Variants in TFR2 observed in about 807,000 individuals in gnomAD.
The protein encoded by TFR2 is transferrin receptor 2.
In TFR2, 64 loss-of-function variants were observed where a neutral mutation model predicts 91.9. The observed-to-expected ratio is 0.70, with a 90% CI of 0.57 to 0.86. The LOEUF is 0.86. Among genes scored for constraint, TFR2 ranks in the 40% least tolerant of loss-of-function variants. TFR2 has a pLI of 0.00. For synonymous variants in TFR2, 454 were observed against 459.6 expected (o/e 0.99, Z 0.15); for missense variants, 950 against 1,080.5 (o/e 0.88, Z 1.69).
intron 16 of TFR2, among the ~76,000 whole-genome samples, 164 bp from the exon 17 acceptor site, chr7:100,627,067 T>G (rs1584455794): frequency 6.7e-6 from 1 of 149,098 alleles, no homozygotes. Context: ...ATGAAGGGAG[T>G]GGGGAGAAGA....
Position 100,633,472 on chromosome 7 carries a change from C to G in TFR2, c.558G>C (p.Gln186His). Reference sequence around the variant, plus strand: ...TGTCGGTCCACACGTGGTCCAGCTTCTGGCGGGAGAGCGCCGCGCGAATGT... The same window carrying G: ...TGTCGGTCCACACGTGGTCCAGCTTGTGGCGGGAGAGCGCCGCGCGAATGT... Reference protein sequence around the residue: ...TQDIRAALSRQKLDHVWTDTH... With the variant: ...TQDIRAALSRHKLDHVWTDTH... The change falls in exon 4 of 18, where the codon CAG (glutamine) becomes CAC (histidine). Residue 186 changes from glutamine (Q) to histidine (H), a missense_variant. Physicochemically the swap from Gln to His is conservative, Grantham distance 24. Coordinates refer to ENST00000223051, the MANE Select transcript of TFR2 (RefSeq NM_003227.4). 1 of 1,612,776 alleles carries G rather than the reference C, an allele frequency of 6.2e-7. No homozygotes were observed. The highest frequency in any genetic ancestry group is 8.5e-7 in the Non-Finnish European group (1 of 1,179,926).
At chr7:100,624,406 T>A (rs1215202278) in intron 17 of TFR2, among the ~76,000 whole-genome samples, 1 of 152,218 alleles carries the variant, frequency 6.6e-6, no homozygotes, top group Non-Finnish European at 1.5e-5. Flanking sequence ...CAAGTCACAG[T>A]CTAAAGCCAA....
At chr7:100,628,200 G>A (rs780410371) in intron 11 of TFR2, 24 bp downstream of exon 11, 8 of 1,543,734 alleles carry the variant, frequency 5.2e-6, no homozygotes, top group Middle Eastern at 1.7e-4. Context: ...AATGCCTAAC[G>A]ACCTGCCCGG....
At chr7:100,635,529 T>TCCA (rs2131323134) in intron 3 of TFR2, among the ~76,000 whole-genome samples, 1 of 151,946 alleles carries the variant, frequency 6.6e-6, no homozygotes, top group Non-Finnish European at 1.5e-5. Context: ...CACTGCAACC[T>TCCA]CCACCTCCCA....
Position 100,633,357 on chromosome 7 carries a change from G to A in TFR2, c.615-17C>T. ...GGGTGAGCCCTGGGGAGCGGGGCTG[G>A]TGAGCGCCCCGAGCCGCGTCCCCCT... On this transcript the variant is annotated splice_polypyrimidine_tract_variant and intron_variant, in intron 4 of 17. Transcript: ENST00000223051. The A allele has an allele frequency of 1.2e-6, 2 of 1,609,988 alleles. No homozygotes were observed. The highest frequency in any genetic ancestry group is 1.7e-4 in the Middle Eastern group (1 of 5,944).
chr7:100,633,235 G>A lies in TFR2; in HGVS notation c.720C>T (p.Asn240=), dbSNP rs778241073. The A allele has an allele frequency of 6.2e-6, 10 of 1,613,742 alleles. No homozygotes were observed. The highest frequency in any genetic ancestry group is 5.1e-6 in the Non-Finnish European group (6 of 1,179,872). The change falls in exon 5 of 18, where the codon AAC becomes AAT. Residue 240 remains asparagine (N), a synonymous_variant. Coordinates refer to ENST00000223051, the MANE Select transcript of TFR2 (RefSeq NM_003227.4). ...GCGGGCAGGGGGTGCTCACCGTGACGTTGCCGATGGCGCTGTAGGGGCAGT... is the reference window on the plus strand; with the variant it reads ...GCGGGCAGGGGGTGCTCACCGTGACATTGCCGATGGCGCTGTAGGGGCAGT... ...DVYCPYSAIG[N]VTGELVYAHY... is the part of the protein sequence containing the mutation.
At chr7:100,629,112 G>C (rs1803354768) in intron 10 of TFR2, 141 bp downstream of exon 10, 3 of 1,130,512 alleles carry the variant, frequency 2.7e-6, no homozygotes, top group Non-Finnish European at 4.0e-6. Flanking sequence ...CTGGCCCAGG[G>C]CCACTCAGGT....
rs36052130 is a variant in TFR2 at position 100,623,887 on chromosome 7, CA to C, written c.2137-2762del. Among the ~76,000 whole-genome samples the C allele has an allele frequency of 9.8e-3, 945 of 96,432 alleles. 21 individuals carry two copies. Among genetic ancestry groups the C allele is most frequent in the African/African-American group, 0.037 (837 of 22,746 alleles). The allele number at this position is 96,432 out of a possible 152,430, so 63.3% of individuals were successfully genotyped here. A position where few individuals can be genotyped will look rare whatever the true frequency, so the allele number is the denominator to read the frequency against. ...CAACATGATGAAACCCCTTCTCTAC[CA>C]AAAAAAAAAAAAAAAAAAAAAATTA... On this transcript the variant is annotated intron_variant, in intron 17 of 17. Transcript: ENST00000223051.
intron 8 of TFR2, 49 bp downstream of exon 8, chr7:100,631,757 C>G: frequency 2.5e-6 from 4 of 1,591,094 alleles, no homozygotes; most frequent in Non-Finnish European, 3.4e-6. Flanking sequence ...CTCGCTGCAG[C>G]CTTCCTCTCT....
At chr7:100,627,054 A>G (rs1225071076) in intron 16 of TFR2, 151 bp from the exon 17 acceptor site, 7 of 1,359,080 alleles carry the variant, frequency 5.2e-6, no homozygotes, top group Non-Finnish European at 6.9e-6. Context: ...TGCTGGAGGC[A>G]GGATGAAGGG....
Position 100,633,571 on chromosome 7 carries a change from G to T in TFR2, c.474-15C>A, listed in dbSNP as rs1280612782. ...GGCTGGTTTGCCTAAGCGGGGAGAG[G>T]TGGGGACTTTTCTGGGCGCCCGGAG... is the stretch of plus-strand genomic sequence containing the variant. On this transcript the variant is annotated splice_polypyrimidine_tract_variant and intron_variant, in intron 3 of 17. Transcript: ENST00000223051. 1.3e-6 allele frequency: 2 copies of T among 1,594,104 alleles called. No homozygotes were observed. The highest frequency in any genetic ancestry group is 1.7e-6 in the Non-Finnish European group (2 of 1,175,208).
chr7:100,620,810 A>G lies in TFR2; in HGVS notation c.*47T>C. ...ACCCTGAATCATTCAAGCGAGGAGC[A>G]GAGGAGCTCTTGACTGGGGGACGGG... On this transcript the variant is annotated 3_prime_UTR_variant, in exon 18 of 18. Coordinates refer to ENST00000223051, the MANE Select transcript of TFR2 (RefSeq NM_003227.4). 1 of 1,612,410 alleles carries G rather than the reference A, an allele frequency of 6.2e-7. No homozygotes were observed. Among genetic ancestry groups the G allele is most frequent in the Non-Finnish European group, 8.5e-7 (1 of 1,178,890 alleles).
At chr7:100,628,872 T>C (rs1007271287) in intron 10 of TFR2, among the ~76,000 whole-genome samples, 4 of 152,100 alleles carry the variant, frequency 2.6e-5, no homozygotes, top group African/African-American at 7.2e-5. Flanking sequence ...GTTCAAGCGA[T>C]TCTCCTGCCT....
At chr7:100,629,192 C>A in intron 10 of TFR2, 61 bp downstream of exon 10, 1 of 1,605,422 alleles carries the variant, frequency 6.2e-7, no homozygotes. Flanking sequence ...CTGCCCTATC[C>A]TCCTCGGGCC....
chr7:100,623,604 C>T (rs118102766), intron 17 of TFR2, among the ~76,000 whole-genome samples: 3 of 151,910 alleles, frequency 2.0e-5, no homozygotes, highest in Non-Finnish European at 2.9e-5. Flanking sequence ...GTATGGAAAC[C>T]CTCATCTCTA....
intron 9 of TFR2, among the ~76,000 whole-genome samples, chr7:100,630,586 G>A (rs1361770558): frequency 1.3e-5 from 2 of 152,146 alleles, no homozygotes; most frequent in East Asian, 1.9e-4. Context: ...CACCACACCC[G>A]GCCCATGCTT....
intron 17 of TFR2, among the ~76,000 whole-genome samples, chr7:100,625,059 CTTTTTTTT>C (rs34968337): frequency 4.7e-5 from 5 of 105,278 alleles, no homozygotes; most frequent in South Asian, 6.1e-4. Flanking sequence ...TTTTCTTTTT[CTTTTTTTT>C]TTTTTTTTTG....
rs775080669 is a variant in TFR2 at position 100,629,234 on chromosome 7, G to A, written c.1390+19C>T. On this transcript the variant is annotated intron_variant, in intron 10 of 17. Coordinates refer to ENST00000223051, the MANE Select transcript of TFR2 (RefSeq NM_003227.4). ...CCACCGCTGCCTAGCCCAGGCCCAGGCCCTGGCCCTGACCTTACCGTTGCT... is the reference window on the plus strand; with the variant it reads ...CCACCGCTGCCTAGCCCAGGCCCAGACCCTGGCCCTGACCTTACCGTTGCT... The A allele has an allele frequency of 6.2e-6, 10 of 1,613,112 alleles. No individual in the cohort carries two copies. Among genetic ancestry groups the A allele is most frequent in the African/African-American group, 1.3e-5 (1 of 74,898 alleles).
At position 100,620,852 on chromosome 7, in the gene TFR2, G is replaced by C; in HGVS notation, c.*5C>G. ...GGGGACGGGGATGTGAGGATCCCCA[G>C]GGCCTCAGAAGTTGTTATCAATGTT... On this transcript the variant is annotated 3_prime_UTR_variant, in exon 18 of 18. Coordinates refer to ENST00000223051, the MANE Select transcript of TFR2 (RefSeq NM_003227.4). The C allele has an allele frequency of 6.2e-7, 1 of 1,613,998 alleles. No individual in the cohort carries two copies. Among genetic ancestry groups the C allele is most frequent in the East Asian group, 2.2e-5 (1 of 44,882 alleles).
Sources: allele counts gnomAD v4.1 joint callset (sites outside exome capture counted in the v4.1 genomes callset), GRCh38; gene constraint gnomAD v4.1.1; transcripts MANE v1.5; gene names NCBI Gene and HGNC (gene_info 2026-07-23, HGNC 2026-07-21).